The following MKLN1 variants were observed in gnomAD, a reference collection of about 807,000 sequenced individuals.
MKLN1 encodes the protein muskelin 1.
A neutral mutation model predicts 99.0 loss-of-function variants in MKLN1; 18 were observed. The observed-to-expected ratio is 0.18, with a 90% CI of 0.13 to 0.27. The LOEUF is 0.27. Ranked by LOEUF, MKLN1 falls within the 10% of genes least tolerant of loss-of-function variation. The pLI is 1.00. For missense variants in MKLN1, 621 were observed against 875.9 expected, an observed-to-expected ratio of 0.71 and a Z score of 3.67; for synonymous variants, 288 against 293.2, an observed-to-expected ratio of 0.98 and a Z score of 0.18.
At chr7:131,254,146 T>A (rs1288861949) in intron 3 of MKLN1, among the ~76,000 whole-genome samples, 1 of 152,008 alleles carries the variant, frequency 6.6e-6, no homozygotes, top group Non-Finnish European at 1.5e-5. Flanking sequence ...CAAAGAGAGC[T>A]TTGCTAAAAT....
intron 2 of MKLN1, among the ~76,000 whole-genome samples, chr7:131,149,456 T>C (rs1283651537): frequency 6.6e-6 from 1 of 152,210 alleles, no homozygotes; most frequent in East Asian, 1.9e-4. Context: ...TTGGAAATTA[T>C]GTTTGAAATT....
chr7:131,183,957 G>A (rs1584815466), intron 2 of MKLN1, among the ~76,000 whole-genome samples: 1 of 151,718 alleles, frequency 6.6e-6, no homozygotes, highest in Non-Finnish European at 1.5e-5. Context: ...GGAGGCCACC[G>A]AGGAAATTGC....
chr7:131,395,458 T>TTATTTTATTTTATTTTATTTTATTC (rs2116219155), intron 4 of MKLN1, among the ~76,000 whole-genome samples: 1 of 143,120 alleles, frequency 7.0e-6, no homozygotes, highest in African/African-American at 2.6e-5. Context: ...TATTTTTATT[T>TTATTTTATTTTATTTTATTTTATTC]TATTTTATTT....
At position 131,375,415 on chromosome 7, in the gene MKLN1, T is replaced by G; in HGVS notation, c.99-9T>G. The G allele has an allele frequency of 6.3e-7, 1 of 1,594,656 alleles. No homozygotes were observed. Among genetic ancestry groups the G allele is most frequent in the Non-Finnish European group, 8.6e-7 (1 of 1,162,690 alleles). On this transcript the variant is annotated splice_polypyrimidine_tract_variant and intron_variant, in intron 1 of 17. Transcript: ENST00000352689. ...TTCTCTTAATTTTTTAATACTTTCT[T>G]TATTCCAGGAACATTTTAGTGGACA...
At chr7:131,240,395 A>G (rs1797384654) in intron 3 of MKLN1, among the ~76,000 whole-genome samples, 1 of 152,182 alleles carries the variant, frequency 6.6e-6, no homozygotes. Flanking sequence ...ACTCAAATAT[A>G]AATATTGGCA....
At chr7:131,268,226 G>C (rs1399012076) in intron 3 of MKLN1, among the ~76,000 whole-genome samples, 2 of 152,174 alleles carry the variant, frequency 1.3e-5, no homozygotes, top group Non-Finnish European at 2.9e-5. Flanking sequence ...ATTCACTCCA[G>C]AATCCTGCAA....
chr7:131,167,609 C>T (rs1015960998), intron 2 of MKLN1, among the ~76,000 whole-genome samples: 24 of 148,602 alleles, frequency 1.6e-4, no homozygotes, highest in African/African-American at 5.5e-4. Context: ...GAGGTTGAGG[C>T]TGCAGTGAGC....
intron 3 of MKLN1, among the ~76,000 whole-genome samples, chr7:131,260,169 A>C (rs1166169505): frequency 6.6e-6 from 1 of 151,996 alleles, no homozygotes; most frequent in African/African-American, 2.4e-5. Flanking sequence ...CAGCCTCCCA[A>C]GTAGCTGAGA....
chr7:131,369,827 T>A (rs1023255422), intron 1 of MKLN1, among the ~76,000 whole-genome samples: 1 of 152,188 alleles, frequency 6.6e-6, no homozygotes, highest in African/African-American at 2.4e-5. Context: ...AGATCTTTAA[T>A]TGAGATTACT....
At chr7:131,336,847 T>A (rs1187702571) in intron 1 of MKLN1, among the ~76,000 whole-genome samples, 1 of 152,186 alleles carries the variant, frequency 6.6e-6, no homozygotes, top group African/African-American at 2.4e-5. Flanking sequence ...TTTCCTTTTG[T>A]ATTTACATGC....
intron 2 of MKLN1, among the ~76,000 whole-genome samples, chr7:131,152,574 A>C (rs1795903794): frequency 6.8e-6 from 1 of 146,108 alleles, no homozygotes; most frequent in Non-Finnish European, 1.5e-5. Context: ...ATCTTGGCTC[A>C]CTGCAACCTC....
At chr7:131,240,721 G>A (rs1392945854) in intron 3 of MKLN1, among the ~76,000 whole-genome samples, 2 of 152,102 alleles carry the variant, frequency 1.3e-5, no homozygotes. Flanking sequence ...ATTAATATCA[G>A]AATTTTTATG....
chr7:131,142,881 C>A, exon 2 of MKLN1: 1 of 1,301,394 alleles, frequency 7.7e-7, no homozygotes, highest in South Asian at 1.2e-5. Flanking sequence ...ATCCTCCTGA[C>A]TCCATAAACT....
At chr7:131,343,933 G>C (rs1799481635) in intron 1 of MKLN1, among the ~76,000 whole-genome samples, 1 of 152,002 alleles carries the variant, frequency 6.6e-6, no homozygotes, top group Non-Finnish European at 1.5e-5. Flanking sequence ...GAATTATGAT[G>C]GGATATTGGG....
chr7:131,326,077 A>G (rs1443418920), upstream of MKLN1, among the ~76,000 whole-genome samples: 2 of 152,242 alleles, frequency 1.3e-5, no homozygotes, highest in South Asian at 2.1e-4. Context: ...GAAAAGAACA[A>G]GGACTTGACT....
chr7:131,228,791 A>G (rs1257805694), intron 3 of MKLN1, among the ~76,000 whole-genome samples: 1 of 152,142 alleles, frequency 6.6e-6, no homozygotes, highest in Non-Finnish European at 1.5e-5. Flanking sequence ...CATTAACACA[A>G]CCTTCCTTGA....
intron 3 of MKLN1, among the ~76,000 whole-genome samples, chr7:131,204,779 A>C (rs1796782805): frequency 6.6e-6 from 1 of 152,144 alleles, no homozygotes; most frequent in African/African-American, 2.4e-5. Context: ...TCCTGGCTAC[A>C]AAAAATTAGC....
At chr7:131,424,326 C>CT (rs1223847915) in intron 8 of MKLN1, among the ~76,000 whole-genome samples, 1 of 151,746 alleles carries the variant, frequency 6.6e-6, no homozygotes, top group Non-Finnish European at 1.5e-5. Flanking sequence ...TGAATTTTGT[C>CT]TAAGTTTTGG....
chr7:131,372,084 A>G (rs1410939484), intron 1 of MKLN1, among the ~76,000 whole-genome samples: 3 of 151,910 alleles, frequency 2.0e-5, no homozygotes, highest in Admixed American at 1.3e-4. Context: ...AGGAACTGTG[A>G]AAGATGAAGG....
Sources: allele counts gnomAD v4.1 joint callset (sites outside exome capture counted in the v4.1 genomes callset), GRCh38; gene constraint gnomAD v4.1.1; transcripts MANE v1.5; gene names NCBI Gene and HGNC (gene_info 2026-07-23, HGNC 2026-07-21).